The following CRTC3 variants were observed in gnomAD, a reference collection of about 807,000 sequenced individuals.
CRTC3 encodes the protein CREB regulated transcription coactivator 3.
In CRTC3, 26 loss-of-function variants were observed where a neutral mutation model predicts 74.5. The observed-to-expected ratio is 0.35, with a 90% CI of 0.26 to 0.48. The LOEUF (loss-of-function observed/expected upper bound fraction) is 0.48. Among genes scored for constraint, CRTC3 ranks in the 20% least tolerant of loss-of-function variants. The probability of loss-of-function intolerance (pLI) is 0.99; values close to 1 mark genes in which losing one functional copy is unlikely to be tolerated. For synonymous variants in CRTC3, 377 were observed against 325.8 expected (o/e 1.16, Z -1.69); for missense variants, 760 against 787.3 (o/e 0.97, Z 0.41).
At chr15:90,611,188 A>C (rs1968347899) in intron 6 of CRTC3, among the ~76,000 whole-genome samples, 1 of 152,124 alleles carries the variant, frequency 6.6e-6, no homozygotes, top group African/African-American at 2.4e-5. Flanking sequence ...GAAACACCAG[A>C]GGCCTCCTTT....
chr15:90,530,306 G>A lies in CRTC3; in HGVS notation c.132+103G>A, dbSNP rs1252846766. The A allele has an allele frequency of 2.9e-6, 2 of 700,416 alleles. No individual in the cohort carries two copies. Among genetic ancestry groups the A allele is most frequent in the East Asian group, 1.3e-4 (1 of 7,526 alleles). The allele number at this position is 700,416 out of a possible 1,614,324, so 43.4% of individuals were successfully genotyped here. A position where few individuals can be genotyped will look rare whatever the true frequency, so the allele number is the denominator to read the frequency against. On this transcript the variant is annotated intron_variant, in intron 1 of 14. Coordinates refer to ENST00000268184, the MANE Select transcript of CRTC3 (RefSeq NM_022769.5). The surrounding 1 kb of genome is among the most constrained non-coding windows in gnomAD (Gnocchi z 6.2). ...GCCAAGGCGATGGCGGGGCCGGGCG[G>A]GGGCCGCGCCCGGGAACCGGCGGCT...
intron 11 of CRTC3, among the ~76,000 whole-genome samples, chr15:90,629,896 G>T (rs1311569813): frequency 6.6e-6 from 1 of 151,898 alleles, no homozygotes; most frequent in Admixed American, 6.6e-5. Context: ...CTAATTTTTT[G>T]ATTTTTTTGT....
At chr15:90,570,207 T>G (rs899531017) in intron 2 of CRTC3, among the ~76,000 whole-genome samples, 20 of 152,170 alleles carry the variant, frequency 1.3e-4, no homozygotes, top group African/African-American at 4.6e-4. Context: ...AAAATGTGGC[T>G]TAAAAAATTG....
chr15:90,558,607 C>T (rs760577933), intron 2 of CRTC3, among the ~76,000 whole-genome samples: 8 of 152,090 alleles, frequency 5.3e-5, no homozygotes, highest in African/African-American at 9.7e-5. Context: ...CTTACTTCCT[C>T]ACTTCCCTCA....
intron 1 of CRTC3, among the ~76,000 whole-genome samples, chr15:90,539,008 C>A (rs921160106): frequency 6.6e-6 from 1 of 152,070 alleles, no homozygotes; most frequent in South Asian, 2.1e-4. Context: ...TGAAGTGGGC[C>A]AAGTGTCCGA....
At chr15:90,618,718 AC>A (rs1968560593) in intron 8 of CRTC3, among the ~76,000 whole-genome samples, 1 of 152,218 alleles carries the variant, frequency 6.6e-6, no homozygotes, top group Admixed American at 6.5e-5. Context: ...TGCCAAGTCT[AC>A]CAGAGTCACC....
At chr15:90,602,689 T>C (rs1002578195) in intron 4 of CRTC3, among the ~76,000 whole-genome samples, 6 of 152,038 alleles carry the variant, frequency 3.9e-5, no homozygotes, top group Admixed American at 3.9e-4. Flanking sequence ...ACAAAACACC[T>C]TATTGGCCGG....
In CRTC3 at chr15:90,629,251, A is replaced by T; in HGVS notation, c.985A>T (p.Ser329Cys). The stretch of plus-strand genomic sequence containing the variant: ...TCTTCCAGGTCTCCAGAGTTCTCGG[A>T]GTAACCCCTCCATCCAAGCCACGCT... ...RSSSGLQSSR[S>C]NPSIQATLNK... Residue 329 changes from serine (S) to cysteine (C), a missense_variant, in exon 11 of 15, where the codon AGT becomes TGT. By Grantham distance (112) the Ser-to-Cys change is moderately radical. Coordinates refer to ENST00000268184, the MANE Select transcript of CRTC3 (RefSeq NM_022769.5). 1 of 1,613,508 alleles carries T rather than the reference A, an allele frequency of 6.2e-7. No homozygotes were observed. Among genetic ancestry groups the T allele is most frequent in the Non-Finnish European group, 8.5e-7 (1 of 1,179,536 alleles).
At chr15:90,566,192 A>T (rs190227568) in intron 2 of CRTC3, among the ~76,000 whole-genome samples, 2 of 152,262 alleles carry the variant, frequency 1.3e-5, no homozygotes, top group Non-Finnish European at 2.9e-5. Flanking sequence ...AGACTGAGAG[A>T]GCTGAGGAAG....
intron 11 of CRTC3, chr15:90,634,740 T>C (rs1410128633): frequency 3.5e-6 from 3 of 846,078 alleles, no homozygotes; most frequent in Admixed American, 3.6e-5. Flanking sequence ...AGGACAAGCG[T>C]GTAGAAAGTT....
chr15:90,561,842 A>G (rs1408505591), intron 2 of CRTC3, among the ~76,000 whole-genome samples: 2 of 152,226 alleles, frequency 1.3e-5, no homozygotes, highest in Non-Finnish European at 2.9e-5. Flanking sequence ...TGAAACAGCT[A>G]GTTTTTATAC....
intron 10 of CRTC3, among the ~76,000 whole-genome samples, chr15:90,628,197 A>G (rs1968908475): frequency 6.6e-6 from 1 of 151,628 alleles, no homozygotes; most frequent in Admixed American, 6.6e-5. Context: ...AGCCTGGGTG[A>G]CAGAGCGAGA....
chr15:90,588,259 CAAA>C (rs11397268), intron 2 of CRTC3, among the ~76,000 whole-genome samples: 2 of 137,818 alleles, frequency 1.5e-5, no homozygotes, highest in African/African-American at 2.7e-5. Context: ...GACTCTGTCT[CAAA>C]AAAAAAAAAA....
chr15:90,633,799 GCTTC>G (rs1454278540), intron 11 of CRTC3, among the ~76,000 whole-genome samples: 1 of 151,340 alleles, frequency 6.6e-6, no homozygotes, highest in African/African-American at 2.4e-5. Flanking sequence ...CTCTGTGGTT[GCTTC>G]CTTGTTTGTT....
chr15:90,571,074 TAAA>T (rs1967252240), intron 2 of CRTC3, among the ~76,000 whole-genome samples: 1 of 152,186 alleles, frequency 6.6e-6, no homozygotes, highest in South Asian at 2.1e-4. Context: ...TTTTTAATAA[TAAA>T]AGTCCAATTT....
At chr15:90,604,322 A>T in intron 4 of CRTC3, 63 bp from the exon 5 acceptor site, 1 of 1,285,264 alleles carries the variant, frequency 7.8e-7, no homozygotes, top group South Asian at 1.2e-5. Context: ...GCAAGTGCTG[A>T]GGCCCTCCTT....
chr15:90,537,207 A>G (rs1966733435), intron 1 of CRTC3, among the ~76,000 whole-genome samples: 1 of 145,570 alleles, frequency 6.9e-6, no homozygotes, highest in African/African-American at 2.6e-5. Flanking sequence ...GAGTTTGAAG[A>G]GGTAGCTGAG....
intron 2 of CRTC3, among the ~76,000 whole-genome samples, chr15:90,577,574 A>G (rs1419419932): frequency 2.6e-5 from 4 of 152,150 alleles, no homozygotes; most frequent in Non-Finnish European, 5.9e-5. Flanking sequence ...AAGGGAGGAG[A>G]TATCTGCACT....
intron 6 of CRTC3, among the ~76,000 whole-genome samples, chr15:90,610,792 A>T (rs11633340): frequency 0.94 from 142,430 of 152,192 alleles, 66,814 homozygotes; most frequent in Middle Eastern, 0.99. Flanking sequence ...ACCCCTCCTG[A>T]CATCGGGCAT....
Sources: gnomAD v4.1 joint callset for allele counts (sites outside exome capture counted in the v4.1 genomes callset) on GRCh38, gnomAD v4.1.1 for gene constraint, Gnocchi (gnomAD v3.1) non-coding constraint, MANE v1.5 for transcripts, NCBI Gene and HGNC (gene_info 2026-07-23, HGNC 2026-07-21) for gene names.